DNAH8: variants seen among roughly 807,000 people sequenced by gnomAD.
The protein encoded by DNAH8 is dynein axonemal heavy chain 8.
In DNAH8, 382 loss-of-function variants were observed where a neutral mutation model predicts 562.1. The observed-to-expected ratio is 0.68, with a 90% CI of 0.63 to 0.74. The LOEUF is 0.74. Among genes scored for constraint, DNAH8 ranks in the 30% least tolerant of loss-of-function variants. The probability of loss-of-function intolerance (pLI) is 0.00; values close to 1 mark genes in which losing one functional copy is unlikely to be tolerated. For missense variants in DNAH8, 5,203 were observed against 5,620.4 expected (o/e 0.93, Z 2.37); for synonymous variants, 1,881 against 1,919.4 (o/e 0.98, Z 0.52).
chr6:38,787,271 G>A (rs1769259468), intron 18 of DNAH8, among the ~76,000 whole-genome samples: 1 of 151,852 alleles, frequency 6.6e-6, no homozygotes, highest in South Asian at 2.1e-4. Context: ...ACTTATCCTA[G>A]AATATTTATA....
intron 18 of DNAH8, among the ~76,000 whole-genome samples, chr6:38,788,938 T>G (rs1769440527): frequency 6.6e-6 from 1 of 152,194 alleles, no homozygotes; most frequent in Non-Finnish European, 1.5e-5. Context: ...GTCTTTTTTT[T>G]GAAAAAAACT....
chr6:38,934,352 C>CA (rs146607292), intron 76 of DNAH8, among the ~76,000 whole-genome samples: 2 of 149,720 alleles, frequency 1.3e-5, no homozygotes, highest in African/African-American at 5.0e-5. Flanking sequence ...GACTCCATCT[C>CA]AAAAAAACAA....
chr6:38,911,501 T>C lies in DNAH8; in HGVS notation c.9774T>C (p.Ser3258=). The change falls in exon 66 of 93, where the codon TCT becomes TCC. Residue 3258 remains serine (S), a synonymous_variant. Coordinates refer to ENST00000327475, the MANE Select transcript of DNAH8 (RefSeq NM_001206927.2). ...YRRRAHVTPK[S]YLSFINGYKN... is the part of the protein sequence containing the mutation. ...GAAGAGCACATGTGACTCCCAAATC[T>C]TACCTCTCATTTATAAATGGTTATA... The C allele has an allele frequency of 6.2e-7, 1 of 1,613,808 alleles. No homozygotes were observed. Among genetic ancestry groups the C allele is most frequent in the South Asian group, 1.1e-5 (1 of 91,064 alleles).
At chr6:38,805,771 C>T (rs1410171588) in intron 23 of DNAH8, among the ~76,000 whole-genome samples, 175 bp downstream of exon 23, 1 of 152,140 alleles carries the variant, frequency 6.6e-6, no homozygotes, top group Non-Finnish European at 1.5e-5. Flanking sequence ...TTTAAGTTTT[C>T]CCCAGTATCA....
At chr6:38,999,765 G>A (rs1334119051) in intron 88 of DNAH8, among the ~76,000 whole-genome samples, 2 of 150,802 alleles carry the variant, frequency 1.3e-5, no homozygotes, top group African/African-American at 4.9e-5. Context: ...GACTCAAGAA[G>A]AGATAGATAG....
intron 82 of DNAH8, among the ~76,000 whole-genome samples, chr6:38,964,996 G>A (rs1762878206): frequency 1.3e-5 from 2 of 151,956 alleles, no homozygotes; most frequent in African/African-American, 4.8e-5. Context: ...CCCTGGAGGT[G>A]GAGGTTGCAG....
chr6:38,959,554 T>C (rs1373147988), intron 82 of DNAH8, among the ~76,000 whole-genome samples: 1 of 152,080 alleles, frequency 6.6e-6, no homozygotes, highest in Non-Finnish European at 1.5e-5. Context: ...GGAGTAAATT[T>C]AATTAAGGAG....
intron 11 of DNAH8, chr6:38,763,634 TGA>T: frequency 5.7e-6 from 1 of 174,984 alleles, no homozygotes; most frequent in Non-Finnish European, 1.2e-5. Context: ...GGCAACATGA[TGA>T]AACCCTGTCT....
At chr6:38,915,848 A>T (rs1042059526) in intron 68 of DNAH8, among the ~76,000 whole-genome samples, 1 of 101,308 alleles carries the variant, frequency 9.9e-6, no homozygotes, top group Non-Finnish European at 2.3e-5. Flanking sequence ...ACACACACAC[A>T]CACATACACA....
In DNAH8 at chr6:38,870,493, C is replaced by T. The variant is rs536642412; in HGVS notation, c.6921C>T (p.Asn2307=). 55 of 1,613,924 alleles carry T rather than the reference C, an allele frequency of 3.4e-5. No homozygotes were observed. The highest frequency in any genetic ancestry group is 2.7e-4 in the East Asian group (12 of 44,856). Residue 2307 remains asparagine, a synonymous_variant, in exon 49 of 93, where the codon AAC becomes AAT. Transcript: ENST00000327475. ...LDSNTYAELQ[N]AVAHQVQIEG... ...GTAATACTTATGCAGAACTGCAAAA[C>T]GCAGTAGCCCATCAGGTTCAGATAG... is the stretch of plus-strand genomic sequence containing the variant.
intron 85 of DNAH8, among the ~76,000 whole-genome samples, chr6:38,976,611 C>T (rs996757356): frequency 1.3e-5 from 2 of 152,152 alleles, no homozygotes; most frequent in Non-Finnish European, 2.9e-5. Context: ...CTCAGACTCT[C>T]CTAAATCAGT....
chr6:38,793,405 A>G (rs199856985), intron 21 of DNAH8, among the ~76,000 whole-genome samples: 1 of 137,120 alleles, frequency 7.3e-6, no homozygotes, highest in Non-Finnish European at 1.6e-5. Flanking sequence ...TATCATTATT[A>G]AGTTTTTTAT....
At chr6:38,825,951 C>G (rs555233821) in intron 28 of DNAH8, among the ~76,000 whole-genome samples, 2 of 152,116 alleles carry the variant, frequency 1.3e-5, no homozygotes, top group Admixed American at 6.5e-5. Flanking sequence ...CACATTTCCA[C>G]GGGGATACAT....
intron 91 of DNAH8, among the ~76,000 whole-genome samples, chr6:39,026,271 T>G (rs1262791857): frequency 6.6e-6 from 1 of 152,194 alleles, no homozygotes; most frequent in Non-Finnish European, 1.5e-5. Flanking sequence ...CTTGAGCAGC[T>G]GAAATCTCAG....
chr6:38,940,739 G>C (rs579786), intron 79 of DNAH8, among the ~76,000 whole-genome samples: 1 of 152,116 alleles, frequency 6.6e-6, no homozygotes, highest in Admixed American at 6.5e-5. Flanking sequence ...GCAGTTCCCC[G>C]TGTGTTTGAA....
intron 9 of DNAH8, 27 bp downstream of exon 9, chr6:38,750,616 T>G: frequency 7.0e-7 from 1 of 1,419,260 alleles, no homozygotes; most frequent in Non-Finnish European, 9.9e-7. Flanking sequence ...AGTACAATTT[T>G]AAACTGAGGG....
intron 32 of DNAH8, among the ~76,000 whole-genome samples, chr6:38,835,599 A>G (rs1774211429): frequency 2.0e-5 from 3 of 152,282 alleles, no homozygotes; most frequent in East Asian, 1.9e-4. Flanking sequence ...ACGGAGGGGA[A>G]AAAGAAAGTT....
intron 18 of DNAH8, among the ~76,000 whole-genome samples, chr6:38,788,222 G>A (rs1759845804): frequency 2.0e-5 from 3 of 151,660 alleles, no homozygotes; most frequent in African/African-American, 7.3e-5. Context: ...CATGATCTCA[G>A]CTCACTGCAA....
chr6:38,750,437 T>A, intron 8 of DNAH8, 39 bp from the exon 9 acceptor site: 2 of 1,402,818 alleles, frequency 1.4e-6, no homozygotes, highest in Non-Finnish European at 2.0e-6. Flanking sequence ...ACTGATATAT[T>A]TGGATGTTTC....
Sources: allele counts gnomAD v4.1 joint callset (sites outside exome capture counted in the v4.1 genomes callset), GRCh38; gene constraint gnomAD v4.1.1; transcripts MANE v1.5; gene names NCBI Gene and HGNC (gene_info 2026-07-23, HGNC 2026-07-21).